LPIN1: variants seen among roughly 807,000 people sequenced by gnomAD.
LPIN1 encodes phosphatidate phosphatase LPIN1.
LPIN1 carries 71 observed loss-of-function variants against 107.5 expected under a neutral mutation model. That is an observed-to-expected ratio of 0.66 (90% CI 0.55 to 0.80). The LOEUF is 0.80. LPIN1 is among the 30% of genes least tolerant of loss of function. LPIN1 has a pLI of 0.00. For missense variants in LPIN1, 1,043 were observed against 1,160.6 expected (o/e 0.90, Z 1.47); for synonymous variants, 445 against 452.6 (o/e 0.98, Z 0.21).
rs772229823 is a variant in LPIN1 at position 11,785,047 on chromosome 2, G to A, written c.1520G>A (p.Gly507Asp). The change falls in exon 10 of 21, where the codon GGC becomes GAC. Residue 507 changes from glycine (G) to aspartate (D), a missense_variant. By Grantham distance (94) the Gly-to-Asp change is moderately conservative. Transcript: ENST00000674199. Reference sequence around the variant, plus strand: ...TCCATCGCCATCTCCCTCTGCGGGGGCCTCAGCGACCACCGGGAGATCACG... The same window carrying A: ...TCCATCGCCATCTCCCTCTGCGGGGACCTCAGCGACCACCGGGAGATCACG... ...LPSIAISLCG[G>D]LSDHREITKD... 1 of 1,588,288 alleles carries A rather than the reference G, an allele frequency of 6.3e-7. No individual in the cohort carries two copies.
chr2:11,743,292 T>C (rs1666555526), upstream of LPIN1, among the ~76,000 whole-genome samples: 1 of 152,244 alleles, frequency 6.6e-6, no homozygotes, highest in Non-Finnish European at 1.5e-5. This position sits in a 1 kb window ranked among gnomAD's most constrained non-coding sequence, Gnocchi z 4.7. Context: ...GGCCTCTGGA[T>C]AGCCCGGGTG....
At chr2:11,696,463 A>C (rs1401479906) in intron 1 of LPIN1, among the ~76,000 whole-genome samples, 1 of 152,290 alleles carries the variant, frequency 6.6e-6, no homozygotes, top group Non-Finnish European at 1.5e-5. Context: ...CCATAGGTAC[A>C]TATAGTCTAT....
intron 6 of LPIN1, 70 bp downstream of exon 6, chr2:11,776,263 T>G: frequency 2.0e-6 from 2 of 985,444 alleles, no homozygotes; most frequent in South Asian, 1.8e-5. Context: ...TTACTATAAG[T>G]CTATTTTACC....
upstream of LPIN1, among the ~76,000 whole-genome samples, chr2:11,744,275 G>T (rs554102726): frequency 6.6e-6 from 1 of 152,348 alleles, no homozygotes; most frequent in South Asian, 2.1e-4. Flanking sequence ...TCACTGCTCA[G>T]TCAGGCCTGG....
At chr2:11,805,351 A>G in intron 17 of LPIN1, 195 bp downstream of exon 17, 1 of 651,430 alleles carries the variant, frequency 1.5e-6, no homozygotes, top group Non-Finnish European at 2.8e-6. Flanking sequence ...CCAAATTTGA[A>G]TTCAATACCA....
Position 11,765,584 on chromosome 2 carries a change from G to A in LPIN1, c.43G>A (p.Val15Met), listed in dbSNP as rs199755819. ...GTTAGCCGGCCAGGTGTTTGTCACC[G>A]TGAAGGAGCTCTACAAGGGGCTGAA... ...GQLAGQVFVT[V>M]KELYKGLNPA... The change falls in exon 2 of 21, where the codon GTG becomes ATG. Residue 15 changes from valine (V) to methionine (M), a missense_variant. By Grantham distance (21) the Val-to-Met change is conservative (BLOSUM62 1). Coordinates refer to ENST00000674199, the MANE Select transcript of LPIN1 (RefSeq NM_001349206.2). This position sits in a 1 kb window ranked among gnomAD's most constrained non-coding sequence, Gnocchi z 4.4. 250 of 1,614,012 alleles carry A rather than the reference G, an allele frequency of 1.5e-4. No homozygotes were observed. The highest frequency in any genetic ancestry group is 1.9e-4 in the Non-Finnish European group (225 of 1,180,010).
Position 11,825,026 on chromosome 2 carries a change from A to G in LPIN1, c.*235A>G. 1.8e-6 allele frequency: 1 copy of G among 567,854 alleles called. No individual in the cohort carries two copies. The highest frequency in any genetic ancestry group is 3.2e-6 in the Non-Finnish European group (1 of 316,828). The allele number at this position is 567,854 out of a possible 1,614,324, so 35.2% of individuals were successfully genotyped here. A position where few individuals can be genotyped will look rare whatever the true frequency, so the allele number is the denominator to read the frequency against. On this transcript the variant is annotated 3_prime_UTR_variant, in exon 21 of 21. Coordinates refer to ENST00000674199, the MANE Select transcript of LPIN1 (RefSeq NM_001349206.2). This position sits in a 1 kb window ranked among gnomAD's most constrained non-coding sequence, Gnocchi z 4.1. ...AGTTGGGTGCATTTGTACCGTGAAA[A>G]GCATTCCTCAGTTGTGGCTTAATGC...
chr2:11,754,636 T>C (rs1668385761), intron 1 of LPIN1, among the ~76,000 whole-genome samples: 1 of 152,038 alleles, frequency 6.6e-6, no homozygotes, highest in African/African-American at 2.4e-5. Context: ...CTATGGGAGG[T>C]CATGACAATA....
intron 14 of LPIN1, among the ~76,000 whole-genome samples, chr2:11,802,336 T>C (rs1314440855): frequency 6.6e-6 from 1 of 152,236 alleles, no homozygotes; most frequent in Non-Finnish European, 1.5e-5. Flanking sequence ...CTGTATATTC[T>C]GAGCAGGGAA....
At chr2:11,783,970 C>T (rs1430896394) in intron 9 of LPIN1, 48 bp downstream of exon 9, 3 of 1,612,994 alleles carry the variant, frequency 1.9e-6, no homozygotes, top group Non-Finnish European at 2.5e-6. Flanking sequence ...ATCTGAATAT[C>T]ATTCTGTGTG....
chr2:11,767,122 A>G (rs753727051), intron 2 of LPIN1, among the ~76,000 whole-genome samples: 1 of 152,250 alleles, frequency 6.6e-6, no homozygotes, highest in Non-Finnish European at 1.5e-5. Context: ...TGCCACACAA[A>G]TGGAAAGAAA....
At chr2:11,751,154 CGT>C (rs1394795078) in intron 1 of LPIN1, among the ~76,000 whole-genome samples, 1 of 152,164 alleles carries the variant, frequency 6.6e-6, no homozygotes, top group Non-Finnish European at 1.5e-5. Flanking sequence ...TGAGAACAAG[CGT>C]CACCTGGGGT....
Position 11,773,648 on chromosome 2 carries a change from C to CAA in LPIN1, c.626_627dup (p.Asp210LysfsTer13). On this transcript the variant is annotated frameshift_variant, in exon 5 of 21. Coordinates refer to ENST00000674199, the MANE Select transcript of LPIN1 (RefSeq NM_001349206.2). LOFTEE classifies it high-confidence loss of function. ...TCTTCCTAATGATATACCTCCATTC[C>CAA]AAGATGATATTCCTGAGGAAAACCT... 1 of 1,611,134 alleles carries CAA rather than the reference C, an allele frequency of 6.2e-7. No individual in the cohort carries two copies. Among genetic ancestry groups the CAA allele is most frequent in the Non-Finnish European group, 8.5e-7 (1 of 1,177,764 alleles).
rs1233928211 is a variant in LPIN1 at position 11,774,066 on chromosome 2, C to T, written c.722+321C>T. 3.9e-5 allele frequency among the ~76,000 whole-genome samples: 6 copies of T among 152,144 alleles called. No individual in the cohort carries two copies. The highest frequency in any genetic ancestry group is 1.2e-4 in the African/African-American group (5 of 41,426). On this transcript the variant is annotated intron_variant, in intron 5 of 20. Transcript: ENST00000674199. This position sits in a 1 kb window ranked among gnomAD's most constrained non-coding sequence, Gnocchi z 4.4. ...TGGCAGAGCCTTTCTTGATACTTAG[C>T]CCTAAGTAAAATTCAAAAACAGACG...
At chr2:11,721,111 G>A (rs984983328), upstream of LPIN1, among the ~76,000 whole-genome samples, 5 of 152,126 alleles carry the variant, frequency 3.3e-5, no homozygotes, top group African/African-American at 1.2e-4. Flanking sequence ...AGGGGAGGGA[G>A]AGGAGAAAAT....
At position 11,746,663 on chromosome 2, in the gene LPIN1, C is replaced by T. The variant is rs947232635; in HGVS notation, c.-18C>T. The T allele has an allele frequency of 5.7e-5, 56 of 984,974 alleles. No homozygotes were observed. Among genetic ancestry groups the T allele is most frequent in the Admixed American group, 1.2e-4 (2 of 16,252 alleles). 61.0% of individuals were successfully genotyped at this position (984,974 alleles called of 1,614,324 possible). A position where few individuals can be genotyped will look rare whatever the true frequency, so the allele number is the denominator to read the frequency against. Reference sequence around the variant, plus strand: ...GCAATACAAAGGCGGCCACGCGCGGCGCCGCTCGGTGAGTAGCCGCCGCCT... The same window carrying T: ...GCAATACAAAGGCGGCCACGCGCGGTGCCGCTCGGTGAGTAGCCGCCGCCT... On this transcript the variant is annotated 5_prime_UTR_variant, in exon 1 of 21. Coordinates refer to ENST00000674199, the MANE Select transcript of LPIN1 (RefSeq NM_001349206.2).
chr2:11,797,309 G>A (rs773793426), intron 14 of LPIN1, among the ~76,000 whole-genome samples: 8 of 152,198 alleles, frequency 5.3e-5, no homozygotes, highest in Non-Finnish European at 1.0e-4. Flanking sequence ...CACCGATGCG[G>A]TAGACCCCGT....
intron 2 of LPIN1, among the ~76,000 whole-genome samples, chr2:11,718,229 G>GAT (rs925518497): frequency 9.7e-4 from 147 of 151,064 alleles, no homozygotes; most frequent in Middle Eastern, 3.4e-3. Flanking sequence ...AGGGGGTCAG[G>GAT]ATATATATAT....
chr2:11,743,586 A>G (rs1042752460), upstream of LPIN1, among the ~76,000 whole-genome samples: 5 of 151,986 alleles, frequency 3.3e-5, no homozygotes, highest in East Asian at 7.7e-4. The surrounding 1 kb of genome is among the most constrained non-coding windows in gnomAD (Gnocchi z 4.7). Flanking sequence ...GCCCCCAACC[A>G]AGGAGTGGCC....
Sources: gnomAD v4.1 joint callset for allele counts (sites outside exome capture counted in the v4.1 genomes callset) on GRCh38, gnomAD v4.1.1 for gene constraint, Gnocchi (gnomAD v3.1) non-coding constraint, MANE v1.5 for transcripts, NCBI Gene and HGNC (gene_info 2026-07-23, HGNC 2026-07-21) for gene names.